PI4K2A: variants seen among roughly 807,000 people sequenced by gnomAD.
PI4K2A encodes phosphatidylinositol 4-kinase type 2-alpha.
Under a neutral mutation model 55.0 loss-of-function variants are expected in PI4K2A, and 20 were observed. The observed-to-expected ratio is 0.36, with a 90% CI of 0.26 to 0.53. PI4K2A has a LOEUF of 0.53. PI4K2A is among the 20% of genes least tolerant of loss of function. The probability of loss-of-function intolerance (pLI) is 0.91; values close to 1 mark genes in which losing one functional copy is unlikely to be tolerated. For synonymous variants in PI4K2A, 235 were observed against 258.5 expected (o/e 0.91, Z 0.87); for missense variants, 463 against 637.1 (o/e 0.73, Z 2.94).
intron 1 of PI4K2A, among the ~76,000 whole-genome samples, chr10:97,642,201 G>C (rs1466306945): frequency 6.6e-6 from 1 of 152,104 alleles, no homozygotes; most frequent in Non-Finnish European, 1.5e-5. Context: ...TAGGAGTCCT[G>C]AGTGGCCAGG....
intron 4 of PI4K2A, among the ~76,000 whole-genome samples, chr10:97,660,650 T>C (rs942178908): frequency 6.6e-6 from 1 of 152,008 alleles, no homozygotes; most frequent in Admixed American, 6.6e-5. Flanking sequence ...CATAGTTTAG[T>C]TGTATCTTAC....
Position 97,654,653 on chromosome 10 carries a change from G to A in PI4K2A, c.637-1632G>A, listed in dbSNP as rs1275791121. Among the ~76,000 whole-genome samples the A allele has an allele frequency of 3.9e-5, 6 of 152,248 alleles. No individual in the cohort carries two copies. The East Asian group carries it at 1.2e-3, about 29-fold the overall frequency. On this transcript the variant is annotated intron_variant, in intron 2 of 8. Coordinates refer to ENST00000370631, the Ensembl canonical transcript of PI4K2A. Reference sequence around the variant, plus strand: ...GAGCATATGCCAGCTACTGTGTTAGGTGCTGTGGATGCTAATATAAATAAG... The same window carrying A: ...GAGCATATGCCAGCTACTGTGTTAGATGCTGTGGATGCTAATATAAATAAG...
At chr10:97,669,117 C>T (rs1268542242) in intron 8 of PI4K2A, among the ~76,000 whole-genome samples, 1 of 152,148 alleles carries the variant, frequency 6.6e-6, no homozygotes, top group Non-Finnish European at 1.5e-5. Flanking sequence ...CTGCCTGCCT[C>T]GGCCTCCCAA....
chr10:97,645,988 T>C (rs2041503238), intron 1 of PI4K2A, among the ~76,000 whole-genome samples: 1 of 152,130 alleles, frequency 6.6e-6, no homozygotes, highest in South Asian at 2.1e-4. Context: ...GTTCTTAGAG[T>C]GTGGCCCAGG....
intron 8 of PI4K2A, among the ~76,000 whole-genome samples, chr10:97,670,909 G>A (rs549578328): frequency 9.2e-5 from 14 of 152,146 alleles, no homozygotes; most frequent in Admixed American, 5.9e-4. Flanking sequence ...AGGCCGAGGC[G>A]GGTGGATCAC....
chr10:97,675,547 G>C (rs1433397645), exon 9 of PI4K2A: 2 of 152,464 alleles, frequency 1.3e-5, no homozygotes, highest in Non-Finnish European at 2.9e-5. Flanking sequence ...GGTGTGCATA[G>C]CTCTCTGTAG....
chr10:97,641,265 A>C, intron 1 of PI4K2A, 88 bp downstream of exon 1: 1 of 961,948 alleles, frequency 1.0e-6, no homozygotes, highest in Middle Eastern at 2.4e-4. Flanking sequence ...CAGAGGGAAA[A>C]GGGAGAAACT....
intron 1 of PI4K2A, among the ~76,000 whole-genome samples, chr10:97,645,667 T>C (rs2041501696): frequency 6.6e-6 from 1 of 151,072 alleles, no homozygotes; most frequent in Non-Finnish European, 1.5e-5. Context: ...CCTACATGTA[T>C]GACAAACTTG....
intron 5 of PI4K2A, among the ~76,000 whole-genome samples, chr10:97,663,946 C>T (rs185331335): frequency 2.6e-5 from 4 of 152,166 alleles, no homozygotes; most frequent in South Asian, 2.1e-4. Flanking sequence ...CCTCTCACCT[C>T]AGCCTCCTGA....
At chr10:97,657,388 C>T (rs1175187953) in intron 4 of PI4K2A, among the ~76,000 whole-genome samples, 1 of 152,076 alleles carries the variant, frequency 6.6e-6, no homozygotes, top group Non-Finnish European at 1.5e-5. Context: ...TAAATTCAGG[C>T]TGGATGTGGT....
intron 2 of PI4K2A, among the ~76,000 whole-genome samples, chr10:97,655,701 AG>A (rs1554878892): frequency 9.5e-6 from 1 of 105,256 alleles, no homozygotes; most frequent in Non-Finnish European, 2.4e-5. Flanking sequence ...CAGCCTCCGA[AG>A]TATCTAGGAT....
exon 8 of PI4K2A, chr10:97,667,112 C>A (rs751856414): frequency 4.7e-5 from 75 of 1,611,336 alleles, no homozygotes; most frequent in Non-Finnish European, 6.4e-5. Flanking sequence ...TGCTGTCATG[C>A]GGGGCCAGGT....
At chr10:97,660,170 T>G (rs1212236026) in intron 4 of PI4K2A, among the ~76,000 whole-genome samples, 2 of 144,188 alleles carry the variant, frequency 1.4e-5, no homozygotes, top group Admixed American at 6.9e-5. Context: ...CCCGGCTAAT[T>G]TTTTGTATTT....
chr10:97,672,722 G>GTTTTTTTT lies in PI4K2A; in HGVS notation c.1279-857_1279-856insTTTTTTTT, dbSNP rs201709914. 4.0e-3 allele frequency among the ~76,000 whole-genome samples: 378 copies of GTTTTTTTT among 94,670 alleles called. 29 individuals are homozygous for GTTTTTTTT. Among genetic ancestry groups the GTTTTTTTT allele is most frequent in the South Asian group, 8.2e-3 (26 of 3,186 alleles). 62.1% of individuals were successfully genotyped at this position (94,670 alleles called of 152,430 possible). On this transcript the variant is annotated intron_variant, in intron 8 of 8. Transcript: ENST00000370631. ...ATGGAATTGCCGAGTCAGAGGGTCT[G>GTTTTTTTT]TTCTTTTTTTTTTTTTTTTTTTTTT... is the stretch of plus-strand genomic sequence containing the variant.
chr10:97,646,188 C>T (rs949853375), intron 1 of PI4K2A, among the ~76,000 whole-genome samples: 1 of 151,836 alleles, frequency 6.6e-6, no homozygotes, highest in African/African-American at 2.4e-5. Context: ...CCTTTACCCA[C>T]ATTAACAAAT....
intron 8 of PI4K2A, among the ~76,000 whole-genome samples, chr10:97,667,895 TAGTAAAAAG>T (rs1310388588): frequency 2.0e-5 from 3 of 152,234 alleles, no homozygotes; most frequent in Admixed American, 6.5e-5. Flanking sequence ...ATCAAGCGTT[TAGTAAAAAG>T]AGTACTGGGC....
chr10:97,674,424 A>G (rs1168410964), exon 9 of PI4K2A: 1 of 152,246 alleles, frequency 6.6e-6, no homozygotes, highest in Non-Finnish European at 1.5e-5. Flanking sequence ...GCACACAATC[A>G]TAGAGAACCT....
rs1339679675 is a variant in PI4K2A at position 97,650,812 on chromosome 10, TG to T, written c.436-128del. On this transcript the variant is annotated intron_variant, in intron 1 of 8. Transcript: ENST00000370631. ...TTCCCCTTACCAACTGGGAGAAACC[TG>T]AGTCCAACTGTAAGTAGGAATTGTC... 4 of 676,370 alleles carry T rather than the reference TG, an allele frequency of 5.9e-6. No individual in the cohort carries two copies. The African/African-American group carries it at 7.2e-5, about 12-fold the overall frequency. The allele number at this position is 676,370 out of a possible 1,614,324, so 41.9% of individuals were successfully genotyped here. A position where few individuals can be genotyped will look rare whatever the true frequency, so the allele number is the denominator to read the frequency against.
chr10:97,643,550 G>C (rs1000690856), intron 1 of PI4K2A, among the ~76,000 whole-genome samples: 1 of 151,830 alleles, frequency 6.6e-6, no homozygotes, highest in South Asian at 2.1e-4. Flanking sequence ...CAGACCATAG[G>C]TATGTTACTT....
Sources: allele counts gnomAD v4.1 joint callset (sites outside exome capture counted in the v4.1 genomes callset), GRCh38; gene constraint gnomAD v4.1.1; transcripts MANE v1.5; gene names NCBI Gene and HGNC (gene_info 2026-07-23, HGNC 2026-07-21).